The following CRYL1 variants were observed in gnomAD, a reference collection of about 807,000 sequenced individuals.
CRYL1 encodes lambda-crystallin homolog.
In CRYL1, 29 loss-of-function variants were observed where a neutral mutation model predicts 36.6. The ratio of observed to expected loss-of-function variants is 0.79; its 90% confidence interval spans 0.59 to 1.08. The LOEUF (loss-of-function observed/expected upper bound fraction) is 1.08, where lower values mean the gene tolerates loss of function less well. Ranked by LOEUF, CRYL1 falls within the 50% of genes least tolerant of loss-of-function variation. The pLI, the probability that CRYL1 is intolerant of heterozygous loss-of-function variation, is 0.00. For missense variants in CRYL1, 411 were observed against 407.9 expected (o/e 1.01, Z -0.06); for synonymous variants, 152 against 151.5 (o/e 1.00, Z -0.02).
At position 20,494,949 on chromosome 13, in the gene CRYL1, C is replaced by T. The variant is rs536282299; in HGVS notation, c.150-5453G>A. Among the ~76,000 whole-genome samples the T allele has an allele frequency of 3.9e-5, 6 of 152,312 alleles. No homozygotes were observed. In the South Asian group the frequency reaches 1.2e-3, roughly 32 times the overall value. ...CACACATGAACCCATCAGCCAACTG[C>T]AAACTCCAGGACCCTGCTGTGTGGT... is the stretch of plus-strand genomic sequence containing the variant. On this transcript the variant is annotated intron_variant, in intron 2 of 7. Coordinates refer to ENST00000298248, the MANE Select transcript of CRYL1 (RefSeq NM_015974.3).
intron 1 of CRYL1, among the ~76,000 whole-genome samples, chr13:20,521,125 GGAAA>G (rs1244585348): frequency 2.8e-4 from 7 of 25,344 alleles, no homozygotes; most frequent in African/African-American, 4.0e-4. Flanking sequence ...AAAAAAAAAA[GGAAA>G]GAAAGAAAGA....
chr13:20,446,831 A>C (rs1260822386), intron 3 of CRYL1, among the ~76,000 whole-genome samples: 1 of 152,190 alleles, frequency 6.6e-6, no homozygotes, highest in Non-Finnish European at 1.5e-5. Flanking sequence ...TTTTGCATTG[A>C]CTAGAGCCTT....
At chr13:20,465,727 G>A (rs776536349) in intron 3 of CRYL1, among the ~76,000 whole-genome samples, 5 of 152,158 alleles carry the variant, frequency 3.3e-5, no homozygotes, top group African/African-American at 4.8e-5. Context: ...GCCATAGAGA[G>A]TTTACCAGAA....
At chr13:20,404,535 AGCTGCAGAGGCAGGCCCACCC>A (rs780027157) in intron 7 of CRYL1, 79 bp downstream of exon 7, 210 of 754,322 alleles carry the variant, frequency 2.8e-4, no homozygotes, top group Non-Finnish European at 4.6e-4. Flanking sequence ...TAAAGATTCC[AGCTGCAGAGGCAGGCCCACCC>A]GCTGCAGAGG....
chr13:20,467,114 A>ATT (rs34482050), intron 3 of CRYL1, among the ~76,000 whole-genome samples: 3 of 143,960 alleles, frequency 2.1e-5, no homozygotes, highest in African/African-American at 7.7e-5. Context: ...CGCCCGGCTG[A>ATT]TTTTTTTTTT....
At chr13:20,443,749 A>G (rs2032397834) in intron 3 of CRYL1, among the ~76,000 whole-genome samples, 1 of 152,264 alleles carries the variant, frequency 6.6e-6, no homozygotes, top group South Asian at 2.1e-4. Flanking sequence ...TGGCTAGTGC[A>G]AGATATCTGG....
intron 6 of CRYL1, 96 bp from the exon 7 acceptor site, chr13:20,404,837 G>A (rs555716908): frequency 3.8e-5 from 32 of 848,486 alleles, no homozygotes; most frequent in South Asian, 9.0e-5. Context: ...TTCACCCTGG[G>A]GTCAGATAAG....
intron 2 of CRYL1, among the ~76,000 whole-genome samples, chr13:20,490,246 G>T (rs543098397): frequency 6.6e-6 from 1 of 152,272 alleles, no homozygotes; most frequent in South Asian, 2.1e-4. Flanking sequence ...CGAAAAATTA[G>T]CTTGGCATTG....
intron 1 of CRYL1, among the ~76,000 whole-genome samples, chr13:20,522,221 G>A (rs563611739): frequency 6.6e-6 from 1 of 152,200 alleles, no homozygotes; most frequent in African/African-American, 2.4e-5. Flanking sequence ...ATGGTGGTTC[G>A]TGCCTGTAGT....
intron 3 of CRYL1, among the ~76,000 whole-genome samples, chr13:20,446,507 C>T (rs952497440): frequency 6.6e-6 from 1 of 152,184 alleles, no homozygotes; most frequent in Non-Finnish European, 1.5e-5. Flanking sequence ...TCCTTGCATG[C>T]TTTTGAATGA....
chr13:20,404,546 C>A, intron 7 of CRYL1, 89 bp downstream of exon 7: 1 of 808,630 alleles, frequency 1.2e-6, no homozygotes, highest in Non-Finnish European at 2.1e-6. Flanking sequence ...GCTGCAGAGG[C>A]AGGCCCACCC....
chr13:20,513,103 A>G (rs1217387166), intron 1 of CRYL1, among the ~76,000 whole-genome samples: 4 of 152,200 alleles, frequency 2.6e-5, no homozygotes, highest in Admixed American at 2.6e-4. Context: ...ACACGTTTTA[A>G]TAACATTATT....
intron 2 of CRYL1, 32 bp downstream of exon 2, chr13:20,512,411 C>T (rs764158671): frequency 7.5e-5 from 110 of 1,464,430 alleles, no homozygotes; most frequent in Middle Eastern, 5.5e-4. Context: ...AGACCCACTT[C>T]CATTCCTTCT....
At chr13:20,507,734 C>G (rs555345005) in intron 2 of CRYL1, among the ~76,000 whole-genome samples, 1 of 151,910 alleles carries the variant, frequency 6.6e-6, no homozygotes, top group Non-Finnish European at 1.5e-5. Context: ...CTGGCTAACA[C>G]AGTGAAACCC....
At position 20,435,035 on chromosome 13, in the gene CRYL1, G is replaced by A. The variant is rs536941789; in HGVS notation, c.439-2739C>T. ...ATCAAATCCACAGCAGCAGCAGAAAGCTAGGTTCAGGTGCCGCGGCTGGGG... is the reference window on the plus strand; with the variant it reads ...ATCAAATCCACAGCAGCAGCAGAAAACTAGGTTCAGGTGCCGCGGCTGGGG... On this transcript the variant is annotated intron_variant, in intron 4 of 7. Transcript: ENST00000298248. The surrounding 1 kb of genome is among the most constrained non-coding windows in gnomAD (Gnocchi z 4.0). 6.6e-6 allele frequency among the ~76,000 whole-genome samples: 1 copy of A among 152,238 alleles called. No individual in the cohort carries two copies. The highest frequency in any genetic ancestry group is 2.1e-4 in the South Asian group (1 of 4,812).
intron 4 of CRYL1, among the ~76,000 whole-genome samples, chr13:20,438,614 G>C (rs2032285232): frequency 6.6e-6 from 1 of 152,096 alleles, no homozygotes; most frequent in Non-Finnish European, 1.5e-5. Flanking sequence ...CTTGGCCCAG[G>C]GTCTTTGCTT....
chr13:20,426,404 A>C (rs1486199168), intron 5 of CRYL1, among the ~76,000 whole-genome samples: 1 of 152,004 alleles, frequency 6.6e-6, no homozygotes, highest in Non-Finnish European at 1.5e-5. Context: ...CCACCTGCCC[A>C]GCTACTTTTT....
chr13:20,518,728 C>T (rs1324228707), intron 1 of CRYL1, among the ~76,000 whole-genome samples: 1 of 152,046 alleles, frequency 6.6e-6, no homozygotes, highest in Non-Finnish European at 1.5e-5. Flanking sequence ...GGCTGGTGCC[C>T]GATGCGATGG....
intron 4 of CRYL1, among the ~76,000 whole-genome samples, chr13:20,432,717 G>A (rs2032098707): frequency 6.6e-6 from 1 of 152,062 alleles, no homozygotes; most frequent in Admixed American, 6.6e-5. Context: ...TTCTGTGTCA[G>A]TGTTAAAAAT....
Sources: allele counts gnomAD v4.1 joint callset (sites outside exome capture counted in the v4.1 genomes callset), GRCh38; gene constraint gnomAD v4.1.1; non-coding constraint Gnocchi (gnomAD v3.1); transcripts MANE v1.5; gene names NCBI Gene and HGNC (gene_info 2026-07-23, HGNC 2026-07-21).